Variants in PCDH15 observed in about 807,000 individuals in gnomAD.
PCDH15 encodes the protein protocadherin related 15.
In PCDH15, 129 loss-of-function variants were observed where a neutral mutation model predicts 178.5. That is an observed-to-expected ratio of 0.72 (90% confidence interval 0.63 to 0.84). The LOEUF is 0.84. Ranked by LOEUF, PCDH15 falls within the 40% of genes least tolerant of loss-of-function variation. The pLI is 0.00. For synonymous variants in PCDH15, 800 were observed against 732.0 expected (o/e 1.09, Z -1.50); for missense variants, 2,230 against 2,099.9 (o/e 1.06, Z -1.21).
chr10:53,940,052 TAAAAAGCTTAACA>T (rs930708383), intron 24 of PCDH15, among the ~76,000 whole-genome samples: 29 of 152,170 alleles, frequency 1.9e-4, no homozygotes, highest in African/African-American at 6.8e-4. Context: ...AGTTTGTCAT[TAAAAAGCTTAACA>T]GGGCCTTTAT....
chr10:55,362,195 A>C (rs1446157610), intron 2 of PCDH15, among the ~76,000 whole-genome samples: 1 of 152,162 alleles, frequency 6.6e-6, no homozygotes, highest in African/African-American at 2.4e-5. Flanking sequence ...AACCCATAAA[A>C]TTAAGCACTT....
chr10:55,609,831 AC>A (rs1158403640), intron 2 of PCDH15, among the ~76,000 whole-genome samples: 4 of 152,150 alleles, frequency 2.6e-5, no homozygotes, highest in African/African-American at 9.6e-5. Flanking sequence ...TCTGAAAAGC[AC>A]TGTTCTGTAA....
At chr10:54,279,194 C>G (rs2132671042) in intron 8 of PCDH15, among the ~76,000 whole-genome samples, 1 of 151,416 alleles carries the variant, frequency 6.6e-6, no homozygotes, top group South Asian at 2.1e-4. Context: ...AATAGATGGG[C>G]ATGTTAGGCT....
intron 1 of PCDH15, among the ~76,000 whole-genome samples, chr10:55,317,394 A>G (rs1588907149): frequency 1.3e-5 from 2 of 152,294 alleles, no homozygotes; most frequent in African/African-American, 4.8e-5. Flanking sequence ...CCCTATATGT[A>G]CACTATTCTT....
At chr10:55,168,167 T>C (rs1413511421) in intron 1 of PCDH15, among the ~76,000 whole-genome samples, 3 of 152,000 alleles carry the variant, frequency 2.0e-5, no homozygotes, top group Non-Finnish European at 4.4e-5. Context: ...TAGCAGCAAA[T>C]CCTTTCCAGA....
At chr10:54,795,481 A>G (rs1487761363) in intron 1 of PCDH15, among the ~76,000 whole-genome samples, 1 of 151,832 alleles carries the variant, frequency 6.6e-6, no homozygotes, top group South Asian at 2.1e-4. Flanking sequence ...TTTCATTGCA[A>G]TGTTTCATAT....
chr10:54,724,018 C>A (rs1385929000), intron 1 of PCDH15, among the ~76,000 whole-genome samples: 1 of 150,632 alleles, frequency 6.6e-6, no homozygotes, highest in Non-Finnish European at 1.5e-5. Context: ...TACCGTTCAA[C>A]CCAGCAATCT....
chr10:53,831,130 G>A (rs755205536), intron 30 of PCDH15, 185 bp downstream of exon 30: 3 of 771,630 alleles, frequency 3.9e-6, no homozygotes, highest in Non-Finnish European at 7.1e-6. Flanking sequence ...AGTGAAAAAT[G>A]TACTGGGAGT....
rs566641707 is a variant in PCDH15 at position 54,243,622 on chromosome 10, A to C, written c.877-6691T>G. Among the ~76,000 whole-genome samples the C allele has an allele frequency of 4.6e-5, 7 of 152,276 alleles. No individual in the cohort carries two copies. In the East Asian group the frequency reaches 9.6e-4, roughly 21 times the overall value. ...AGATTCTTGCTTGTTTCCATGTGTT[A>C]CTAACATAGAGAATTAGAACAAATC... On this transcript the variant is annotated intron_variant, in intron 8 of 37. Transcript: ENST00000644397.
At chr10:54,779,080 C>T (rs964060298) in intron 1 of PCDH15, among the ~76,000 whole-genome samples, 4 of 151,946 alleles carry the variant, frequency 2.6e-5, no homozygotes, top group Non-Finnish European at 5.9e-5. Flanking sequence ...GAATCTAATA[C>T]CCTTTTAAGT....
chr10:55,509,904 C>T (rs1182826829), intron 2 of PCDH15, among the ~76,000 whole-genome samples: 1 of 151,808 alleles, frequency 6.6e-6, no homozygotes, highest in Non-Finnish European at 1.5e-5. Context: ...GACAATCTAA[C>T]CGTTTTATTC....
At chr10:54,928,916 T>C (rs1837697347) in intron 2 of PCDH15, among the ~76,000 whole-genome samples, 1 of 152,146 alleles carries the variant, frequency 6.6e-6, no homozygotes, top group Non-Finnish European at 1.5e-5. Flanking sequence ...ATATTGTAAA[T>C]TCTACTTCTG....
chr10:54,353,014 T>C (rs1394698517), intron 5 of PCDH15, among the ~76,000 whole-genome samples: 1 of 152,176 alleles, frequency 6.6e-6, no homozygotes, highest in Admixed American at 6.6e-5. Flanking sequence ...AATCCAGAGT[T>C]GATTTTGTAA....
At chr10:54,240,757 G>A (rs900107392) in intron 8 of PCDH15, among the ~76,000 whole-genome samples, 3 of 143,980 alleles carry the variant, frequency 2.1e-5, no homozygotes, top group Admixed American at 7.4e-5. Flanking sequence ...TCAGCCTCCC[G>A]AGTAGCTGGG....
At chr10:55,432,398 A>C (rs1030136621) in intron 2 of PCDH15, among the ~76,000 whole-genome samples, 3 of 152,070 alleles carry the variant, frequency 2.0e-5, no homozygotes, top group Non-Finnish European at 4.4e-5. Flanking sequence ...CAGGGTTCTG[A>C]GTGGAGGATT....
chr10:54,706,677 G>A (rs2095368252), intron 1 of PCDH15, among the ~76,000 whole-genome samples: 1 of 152,136 alleles, frequency 6.6e-6, no homozygotes, highest in Non-Finnish European at 1.5e-5. Context: ...AGGCTGTAGT[G>A]CAGTGGCGCG....
At chr10:54,692,585 A>G (rs1239800038) in intron 1 of PCDH15, among the ~76,000 whole-genome samples, 1 of 150,916 alleles carries the variant, frequency 6.6e-6, no homozygotes, top group East Asian at 2.0e-4. Context: ...TTCACAAATA[A>G]AAATCGGTTA....
intron 2 of PCDH15, among the ~76,000 whole-genome samples, chr10:55,079,194 A>T (rs1039377967): frequency 4.0e-5 from 6 of 151,886 alleles, no homozygotes; most frequent in Admixed American, 3.9e-4. Flanking sequence ...CTGTGTCTTT[A>T]TGTTGATATC....
intron 15 of PCDH15, among the ~76,000 whole-genome samples, chr10:54,107,546 T>C (rs1023226052): frequency 2.0e-5 from 3 of 152,056 alleles, no homozygotes; most frequent in South Asian, 2.1e-4. Flanking sequence ...GGGAGGCAAA[T>C]GTGGCCATGT....
Sources: allele counts gnomAD v4.1 joint callset (sites outside exome capture counted in the v4.1 genomes callset), GRCh38; gene constraint gnomAD v4.1.1; transcripts MANE v1.5; gene names NCBI Gene and HGNC (gene_info 2026-07-23, HGNC 2026-07-21).